The following LRP11 variants were observed in gnomAD, a reference collection of about 807,000 sequenced individuals.
LRP11 encodes the protein LDL receptor related protein 11.
In LRP11, 25 loss-of-function variants were observed where a neutral mutation model predicts 43.1. The observed-to-expected ratio is 0.58, with a 90% CI of 0.42 to 0.81. LRP11 has a LOEUF of 0.81. Among genes scored for constraint, LRP11 ranks in the 30% least tolerant of loss-of-function variants. The pLI is 0.00. For synonymous variants in LRP11, 316 were observed against 299.4 expected (o/e 1.06, Z -0.57); for missense variants, 623 against 665.1 (o/e 0.94, Z 0.70).
Position 149,853,142 on chromosome 6 carries a change from A to C in LRP11, c.632T>G (p.Leu211Arg), listed in dbSNP as rs61745766. Reference sequence around the variant, plus strand: ...AACCACATCCTGCCCAGCCTTGCTAAGTGGAGGCGCATCCTTTTCTGAGAA... The same window carrying C: ...AACCACATCCTGCCCAGCCTTGCTACGTGGAGGCGCATCCTTTTCTGAGAA... ...SPRQEKDAPP[L>R]SKAGQDVVLH... The change falls in exon 2 of 7, where the codon CTT becomes CGT. Residue 211 changes from leucine (L) to arginine (R), a missense_variant. By Grantham distance (102) the Leu-to-Arg change is moderately radical. Transcript: ENST00000239367. 31,316 of 1,582,354 alleles carry C rather than the reference A, an allele frequency of 0.02. 1,345 individuals carry two copies. Among genetic ancestry groups the C allele is most frequent in the African/African-American group, 0.12 (9,125 of 73,076 alleles).
At chr6:149,857,025 T>G (rs1307791718) in intron 1 of LRP11, among the ~76,000 whole-genome samples, 1 of 152,224 alleles carries the variant, frequency 6.6e-6, no homozygotes, top group African/African-American at 2.4e-5. Context: ...GATCCAGTCC[T>G]TCTCCCTATG....
At position 149,820,466 on chromosome 6, in the gene LRP11, G is replaced by C. The variant is rs867298065; in HGVS notation, c.*83C>G. ...TCTTCTGGCCCAATTAAAAACAAAA[G>C]AAGCTGTAAATATCCAGAACTTAAT... On this transcript the variant is annotated 3_prime_UTR_variant, in exon 7 of 7. Transcript: ENST00000239367. 1 of 583,834 alleles carries C rather than the reference G, an allele frequency of 1.7e-6. No homozygotes were observed. Among genetic ancestry groups the C allele is most frequent in the Non-Finnish European group, 3.1e-6 (1 of 320,238 alleles). The allele number at this position is 583,834 out of a possible 1,614,324, so 36.2% of individuals were successfully genotyped here.
chr6:149,842,801 G>C, intron 3 of LRP11, 182 bp downstream of exon 3: 1 of 1,218,882 alleles, frequency 8.2e-7, no homozygotes, highest in Non-Finnish European at 1.2e-6. Flanking sequence ...AGTAGCATCG[G>C]CTAAGCCCAA....
intron 5 of LRP11, among the ~76,000 whole-genome samples, chr6:149,828,939 T>A (rs888337930): frequency 9.9e-5 from 15 of 152,256 alleles, no homozygotes; most frequent in South Asian, 2.1e-4. Context: ...ATGCCTGATT[T>A]TTTCAAATGC....
At chr6:149,842,871 T>C in intron 3 of LRP11, 112 bp downstream of exon 3, 2 of 1,325,832 alleles carry the variant, frequency 1.5e-6, no homozygotes, top group South Asian at 2.7e-5. Flanking sequence ...CATTCAGCAA[T>C]AACCAAAAAT....
chr6:149,820,392 G>T lies in LRP11; in HGVS notation c.*157C>A. The T allele has an allele frequency of 2.6e-6, 1 of 389,788 alleles. No homozygotes were observed. The highest frequency in any genetic ancestry group is 3.4e-5 in the African/African-American group (1 of 29,668). 24.1% of individuals were successfully genotyped at this position (389,788 alleles called of 1,614,324 possible). A position where few individuals can be genotyped will look rare whatever the true frequency, so the allele number is the denominator to read the frequency against. ...TTCAAAATATTTTATGACTTCTAAG[G>T]AAACTTTTTTTACAATAAATAATAA... On this transcript the variant is annotated 3_prime_UTR_variant, in exon 7 of 7. Coordinates refer to ENST00000239367, the MANE Select transcript of LRP11 (RefSeq NM_032832.6).
intron 4 of LRP11, among the ~76,000 whole-genome samples, chr6:149,837,084 G>A (rs1039439143): frequency 2.0e-5 from 3 of 151,984 alleles, no homozygotes; most frequent in African/African-American, 7.3e-5. Context: ...CACATGACAT[G>A]CAGCATTTTT....
chr6:149,839,061 G>GTTTTTTTTTTTTT (rs869148170), intron 3 of LRP11, among the ~76,000 whole-genome samples: 1 of 136,998 alleles, frequency 7.3e-6, no homozygotes, highest in African/African-American at 2.7e-5. Flanking sequence ...GTTTTTTTTT[G>GTTTTTTTTTTTTT]TTTTTTTTTT....
chr6:149,832,620 CTTTTT>C (rs10712132), intron 5 of LRP11, among the ~76,000 whole-genome samples: 1 of 96,424 alleles, frequency 1.0e-5, no homozygotes. Flanking sequence ...CAACAATGTA[CTTTTT>C]TTTTTTTTTT....
chr6:149,840,481 AT>A (rs1776529792), intron 3 of LRP11, among the ~76,000 whole-genome samples: 1 of 152,186 alleles, frequency 6.6e-6, no homozygotes, highest in Non-Finnish European at 1.5e-5. Context: ...AGGGCCAGAA[AT>A]TTACAGCTGG....
At position 149,839,994 on chromosome 6, in the gene LRP11, A is replaced by G. The variant is rs1288555814; in HGVS notation, c.914-2531T>C. On this transcript the variant is annotated intron_variant, in intron 3 of 6. Transcript: ENST00000239367. Reference sequence around the variant, plus strand: ...AACAACTCAGGGGCATCCTGTTTGGAGACTGCTGAGTTAGATCATGTTGGA... The same window carrying G: ...AACAACTCAGGGGCATCCTGTTTGGGGACTGCTGAGTTAGATCATGTTGGA... 3.3e-5 allele frequency among the ~76,000 whole-genome samples: 5 copies of G among 152,350 alleles called. No homozygotes were observed. In the East Asian group the frequency reaches 9.6e-4, roughly 29 times the overall value.
chr6:149,864,004 T>C lies in LRP11; in HGVS notation c.17A>G (p.Gln6Arg), dbSNP rs2115435631. The C allele has an allele frequency of 8.1e-6, 11 of 1,355,708 alleles. No homozygotes were observed. The highest frequency in any genetic ancestry group is 9.4e-6 in the Non-Finnish European group (10 of 1,062,956). The allele number at this position is 1,355,708 out of a possible 1,614,324, so 84.0% of individuals were successfully genotyped here. MASVA[Q>R]ESAGSQRRLP... ...CCGGCGCTGCGAGCCCGCGCTCTCC[T>C]GGGCGACGGAGGCCATGGCGACGAG... Residue 6 changes from glutamine (Q) to arginine (R), a missense_variant, in exon 1 of 7, where the codon CAG becomes CGG. Transcript: ENST00000239367.
intron 3 of LRP11, among the ~76,000 whole-genome samples, chr6:149,838,955 G>C (rs1776508950): frequency 6.6e-6 from 1 of 152,064 alleles, no homozygotes; most frequent in South Asian, 2.1e-4. Flanking sequence ...AATTCTCTCA[G>C]GAACATGGGG....
intron 6 of LRP11, among the ~76,000 whole-genome samples, chr6:149,825,584 C>T (rs780657261): frequency 1.3e-5 from 2 of 151,928 alleles, no homozygotes; most frequent in Non-Finnish European, 1.5e-5. Context: ...CCTCATCTTA[C>T]GAATGAGGAA....
Position 149,846,359 on chromosome 6 carries a change from G to T in LRP11, c.772-3235C>A, listed in dbSNP as rs116720136. On this transcript the variant is annotated intron_variant, in intron 2 of 6. Coordinates refer to ENST00000239367, the MANE Select transcript of LRP11 (RefSeq NM_032832.6). ...AAGGGAGCATGGCTGCAAATGACAG[G>T]CATGCTGGAGTATGTCTAGGTGAGA... is the stretch of plus-strand genomic sequence containing the variant. Among the ~76,000 whole-genome samples, 3 of 152,284 alleles carry T rather than the reference G, an allele frequency of 2.0e-5. No individual in the cohort carries two copies. The East Asian group carries it at 5.8e-4, about 29-fold the overall frequency.
intron 2 of LRP11, among the ~76,000 whole-genome samples, chr6:149,846,103 G>A (rs73779582): frequency 0.02 from 3,097 of 152,172 alleles, 118 homozygotes; most frequent in African/African-American, 0.071. Flanking sequence ...ACCTTCATCC[G>A]CAGTGAGAGG....
intron 4 of LRP11, among the ~76,000 whole-genome samples, chr6:149,836,834 G>GAAA (rs3036662): frequency 6.6e-6 from 1 of 151,140 alleles, no homozygotes. Context: ...AGAAAGAAAA[G>GAAA]AAAAAAGAAA....
intron 6 of LRP11, among the ~76,000 whole-genome samples, chr6:149,825,169 A>G (rs1465232832): frequency 2.0e-5 from 3 of 152,228 alleles, no homozygotes; most frequent in Non-Finnish European, 2.9e-5. Flanking sequence ...CTCAATGTTT[A>G]TAACTTAAGC....
At chr6:149,834,962 C>A (rs566119431) in intron 5 of LRP11, among the ~76,000 whole-genome samples, 106 of 152,292 alleles carry the variant, frequency 7.0e-4, no homozygotes, top group Admixed American at 2.0e-3. Flanking sequence ...GTATCTTGTA[C>A]AATGAACAAA....
Sources: gnomAD v4.1 joint callset for allele counts (sites outside exome capture counted in the v4.1 genomes callset) on GRCh38, gnomAD v4.1.1 for gene constraint, MANE v1.5 for transcripts, NCBI Gene and HGNC (gene_info 2026-07-23, HGNC 2026-07-21) for gene names.